Variants in DOCK4 observed in about 807,000 individuals in gnomAD.
DOCK4 encodes the protein dedicator of cytokinesis 4.
Under a neutral mutation model 268.1 loss-of-function variants are expected in DOCK4, and 97 were observed. That is an observed-to-expected ratio of 0.36 (90% confidence interval 0.31 to 0.43). The LOEUF (loss-of-function observed/expected upper bound fraction) is 0.43. Among genes scored for constraint, DOCK4 ranks in the 20% least tolerant of loss-of-function variants. DOCK4 has a pLI of 1.00. For missense variants in DOCK4, 2,145 were observed against 2,455.7 expected (o/e 0.87, Z 2.67); for synonymous variants, 954 against 887.2 (o/e 1.08, Z -1.34).
rs558486071 is a variant in DOCK4, at chr7:111,791,265, A to C, written c.3167-660T>G. On this transcript the variant is annotated intron_variant, in intron 30 of 52. Transcript: ENST00000428084. ...ATACAGTATGTATAGGAATATTTTT[A>C]ATTTAAAAAATACACACACACACAC... Among the ~76,000 whole-genome samples the C allele has an allele frequency of 2.0e-4, 29 of 143,674 alleles. No individual in the cohort carries two copies. The East Asian group carries it at 6.4e-3, about 31-fold the overall frequency. The allele number at this position is 143,674 out of a possible 152,430, so 94.3% of individuals were successfully genotyped here.
At chr7:111,737,485 G>A (rs1338373861) in intron 49 of DOCK4, among the ~76,000 whole-genome samples, 5 of 151,916 alleles carry the variant, frequency 3.3e-5, no homozygotes, top group Admixed American at 3.3e-4. Context: ...ACAGAAATAA[G>A]AATTAAAGGA....
At chr7:111,947,598 T>TA (rs944308790) in intron 8 of DOCK4, among the ~76,000 whole-genome samples, 1 of 4,970 alleles carries the variant, frequency 2.0e-4, no homozygotes, top group African/African-American at 2.0e-3. Flanking sequence ...GAATGACACC[T>TA]ATACTGAGGG....
chr7:112,072,639 A>C (rs1293859829), intron 1 of DOCK4, among the ~76,000 whole-genome samples: 1 of 152,202 alleles, frequency 6.6e-6, no homozygotes, highest in East Asian at 1.9e-4. Flanking sequence ...AATGTCAGGC[A>C]ACCATCAGGT....
intron 1 of DOCK4, among the ~76,000 whole-genome samples, chr7:112,172,208 T>G (rs1185799208): frequency 6.6e-6 from 1 of 151,030 alleles, no homozygotes; most frequent in African/African-American, 2.4e-5. Flanking sequence ...GTGCTGTGCA[T>G]TTTGGGATTC....
At chr7:111,866,158 G>A (rs903287495) in intron 22 of DOCK4, among the ~76,000 whole-genome samples, 1 of 152,130 alleles carries the variant, frequency 6.6e-6, no homozygotes, top group Non-Finnish European at 1.5e-5. Flanking sequence ...CTAACACATC[G>A]GATCCATTGA....
intron 1 of DOCK4, among the ~76,000 whole-genome samples, chr7:112,174,748 A>C (rs1818354230): frequency 6.6e-6 from 1 of 152,092 alleles, no homozygotes; most frequent in Non-Finnish European, 1.5e-5. Context: ...GAAACCTGTA[A>C]TACCATCCAA....
intron 1 of DOCK4, among the ~76,000 whole-genome samples, chr7:112,088,187 T>C (rs1254044220): frequency 6.6e-6 from 1 of 152,084 alleles, no homozygotes; most frequent in Non-Finnish European, 1.5e-5. Context: ...GGTCACACTG[T>C]TGGCTGGAGG....
intron 35 of DOCK4, among the ~76,000 whole-genome samples, chr7:111,782,219 A>G (rs971044940): frequency 7.2e-5 from 11 of 152,218 alleles, no homozygotes; most frequent in African/African-American, 2.4e-4. Context: ...GACATTTTAT[A>G]TAAATGTTGG....
intron 21 of DOCK4, among the ~76,000 whole-genome samples, chr7:111,868,810 G>C (rs1452409975): frequency 6.6e-6 from 1 of 152,072 alleles, no homozygotes; most frequent in Non-Finnish European, 1.5e-5. Context: ...TCAACAAAAA[G>C]ATAACTGTTT....
chr7:111,817,138 C>T (rs1001769497), intron 27 of DOCK4, among the ~76,000 whole-genome samples: 1 of 152,224 alleles, frequency 6.6e-6, no homozygotes, highest in Non-Finnish European at 1.5e-5. Context: ...ACCAACACCT[C>T]ACAACTCACC....
rs141858248 is a variant in DOCK4 at position 111,937,045 on chromosome 7, C to T, written c.978-1417G>A. ...GTGGGGAAGAAAGAAAGATGGCTTG[C>T]TTCCTATTAGATAGTTAAGTGATTC... On this transcript the variant is annotated intron_variant, in intron 11 of 52. Transcript: ENST00000428084. Among the ~76,000 whole-genome samples the T allele has an allele frequency of 3.0e-3, 457 of 152,332 alleles. 1 individual carries two copies. Among genetic ancestry groups the T allele is most frequent in the African/African-American group, 0.01 (436 of 41,576 alleles).
chr7:111,824,178 T>C (rs988159680), intron 26 of DOCK4, among the ~76,000 whole-genome samples: 1 of 152,196 alleles, frequency 6.6e-6, no homozygotes, highest in African/African-American at 2.4e-5. Context: ...CTTCACATTC[T>C]AGCTCTCTTG....
In DOCK4 at chr7:111,944,811, C is replaced by T. The variant is rs1795487811; in HGVS notation, c.844G>A (p.Gly282Ser). The part of the protein sequence containing the change: ...IYITVHIIRI[G>S]RMGAGEKKNA... ...CTGCACTGACAAGTGTTATACCTAC[C>T]GATTCGGATAATGTGCACGGTGATA... The change falls in exon 10 of 53, where the codon GGT becomes AGT. Residue 282 changes from glycine to serine, a missense_variant and splice_region_variant. Physicochemically the swap from Gly to Ser is moderately conservative, Grantham distance 56. This residue lies in a region of DOCK4 where 1,598 missense variants were observed against 1,986.7 expected (regional missense o/e 0.80). Coordinates refer to ENST00000428084, the MANE Select transcript of DOCK4 (RefSeq NM_001363540.2). The T allele has an allele frequency of 1.2e-5, 20 of 1,613,700 alleles. No homozygotes were observed. Among genetic ancestry groups the T allele is most frequent in the Non-Finnish European group, 1.5e-5 (18 of 1,179,682 alleles).
chr7:112,100,364 T>C (rs1177186382), intron 1 of DOCK4, among the ~76,000 whole-genome samples: 2 of 152,180 alleles, frequency 1.3e-5, no homozygotes, highest in Admixed American at 1.3e-4. Flanking sequence ...TTAATAAAAT[T>C]TACCATTCCC....
chr7:112,122,501 C>G (rs981535744), intron 1 of DOCK4, among the ~76,000 whole-genome samples: 1 of 151,992 alleles, frequency 6.6e-6, no homozygotes, highest in Non-Finnish European at 1.5e-5. Flanking sequence ...GAACTCCTGG[C>G]CTCAAGCAAT....
At chr7:111,872,657 A>C in intron 17 of DOCK4, 93 bp from the exon 18 acceptor site, 3 of 1,039,080 alleles carry the variant, frequency 2.9e-6, no homozygotes, top group Non-Finnish European at 4.1e-6. Context: ...TTCTTAACAC[A>C]TGTGGCTCCC....
intron 32 of DOCK4, 47 bp downstream of exon 32, chr7:111,788,615 C>A: frequency 6.6e-7 from 1 of 1,505,394 alleles, no homozygotes; most frequent in Non-Finnish European, 9.1e-7. Context: ...AGTACTGACA[C>A]CAAATCCCCC....
chr7:111,904,270 A>G (rs1051986528), intron 13 of DOCK4, among the ~76,000 whole-genome samples: 1 of 152,234 alleles, frequency 6.6e-6, no homozygotes, highest in Admixed American at 6.5e-5. Flanking sequence ...TATTATTCCA[A>G]GCCAGGAAGA....
At chr7:112,134,445 C>T (rs1409972357) in intron 1 of DOCK4, among the ~76,000 whole-genome samples, 1 of 152,142 alleles carries the variant, frequency 6.6e-6, no homozygotes, top group Non-Finnish European at 1.5e-5. Flanking sequence ...AATGGCTGGG[C>T]ACGGTGGCTC....
Sources: gnomAD v4.1 joint callset for allele counts (sites outside exome capture counted in the v4.1 genomes callset) on GRCh38, gnomAD v4.1.1 for gene constraint, gnomAD v4.1.1 regional missense constraint, MANE v1.5 for transcripts, NCBI Gene and HGNC (gene_info 2026-07-23, HGNC 2026-07-21) for gene names.